TRMT1L: variants seen among roughly 807,000 people sequenced by gnomAD.
The protein encoded by TRMT1L is tRNA methyltransferase 1L, also known as tRNA (guanine(27)-N(2))-dimethyltransferase.
A neutral mutation model predicts 81.6 loss-of-function variants in TRMT1L; 28 were observed. The observed-to-expected ratio is 0.34, with a 90% CI of 0.25 to 0.47. The LOEUF (loss-of-function observed/expected upper bound fraction) is 0.47, where lower values mean the gene tolerates loss of function less well. TRMT1L is among the 20% of genes least tolerant of loss of function. The pLI is 1.00. For missense variants in TRMT1L, 739 were observed against 877.1 expected (o/e 0.84, Z 1.99); for synonymous variants, 301 against 303.2 (o/e 0.99, Z 0.07).
Position 185,145,588 on chromosome 1 carries a change from A to AT in TRMT1L, c.526-21dup. ...GGTTATCTATCAAACAGAGTATTTAATTTAAATAAGTTGCTAAGACAATGA... is the reference window on the plus strand; with the variant it reads ...GGTTATCTATCAAACAGAGTATTTAATTTTAAATAAGTTGCTAAGACAATGA... On this transcript the variant is annotated intron_variant, in intron 4 of 14. Transcript: ENST00000367506. 1 of 1,606,222 alleles carries AT rather than the reference A, an allele frequency of 6.2e-7. No individual in the cohort carries two copies. The highest frequency in any genetic ancestry group is 8.5e-7 in the Non-Finnish European group (1 of 1,175,006).
intron 4 of TRMT1L, among the ~76,000 whole-genome samples, chr1:185,146,393 C>A (rs1467760306): frequency 6.6e-6 from 1 of 151,936 alleles, no homozygotes. Context: ...AGTTTTGATG[C>A]CTTTTACTCT....
chr1:185,149,525 A>T (rs1653284649), intron 3 of TRMT1L, among the ~76,000 whole-genome samples: 1 of 151,942 alleles, frequency 6.6e-6, no homozygotes, highest in African/African-American at 2.4e-5. Context: ...GCTGGTCTTG[A>T]ACTCATGGCC....
chr1:185,143,331 G>A, intron 7 of TRMT1L, 26 bp downstream of exon 7: 4 of 1,553,348 alleles, frequency 2.6e-6, no homozygotes, highest in Non-Finnish European at 3.5e-6. Context: ...AATAAAATGG[G>A]GTTCCAAAAA....
chr1:185,126,517 G>A (rs890673722), intron 11 of TRMT1L, among the ~76,000 whole-genome samples: 2 of 152,052 alleles, frequency 1.3e-5, no homozygotes, highest in Non-Finnish European at 2.9e-5. Context: ...GTTAGGGTTA[G>A]CAAATATATA....
chr1:185,143,795 T>C, intron 6 of TRMT1L, 111 bp downstream of exon 6: 1 of 944,134 alleles, frequency 1.1e-6, no homozygotes, highest in Middle Eastern at 3.6e-4. Context: ...ACAGATGATT[T>C]TTATTCTGCA....
Position 185,147,210 on chromosome 1 carries a change from G to A in TRMT1L, c.497C>T (p.Pro166Leu). The A allele has an allele frequency of 1.2e-6, 2 of 1,610,196 alleles. No individual in the cohort carries two copies. Among genetic ancestry groups the A allele is most frequent in the Non-Finnish European group, 1.7e-6 (2 of 1,177,546 alleles). Residue 166 changes from proline to leucine, a missense_variant, in exon 4 of 15, where the codon CCA (proline) becomes CTA (leucine). Pro to Leu is a moderately conservative substitution (Grantham distance 98). Around this residue, in one of 4 missense-constraint regions of TRMT1L, gnomAD observed 331 missense variants for 462.2 expected, o/e 0.72. Transcript: ENST00000367506. ...TTCTCCAATAATGTTTGGTTTCACT[G>A]GTCGACAAGGTAAGTGACAGATGCA... ...RMCICHLPCRPVKPNIIGEQI... is the reference protein window; with the variant it reads ...RMCICHLPCRLVKPNIIGEQI...
At chr1:185,151,105 CTTAT>C (rs1022986125) in intron 2 of TRMT1L, among the ~76,000 whole-genome samples, 2 of 152,000 alleles carry the variant, frequency 1.3e-5, no homozygotes, top group African/African-American at 4.8e-5. Context: ...ATAAAAATGT[CTTAT>C]TTAATTAGAA....
intron 1 of TRMT1L, 31 bp from the exon 2 acceptor site, chr1:185,151,966 T>A: frequency 7.2e-7 from 1 of 1,380,978 alleles, no homozygotes; most frequent in Non-Finnish European, 1.0e-6. Flanking sequence ...GATTATGCTT[T>A]AACAGTTTGT....
rs1571354774 is a variant in TRMT1L, at chr1:185,145,309, G to C, written c.655+130C>G. ...TTACAGAAAGAAACCAAAAGCTGAA[G>C]TAATGGACTAGTGAACTAAATCATT... On this transcript the variant is annotated intron_variant, in intron 5 of 14. Coordinates refer to ENST00000367506, the MANE Select transcript of TRMT1L (RefSeq NM_030934.5). 3.2e-6 allele frequency: 3 copies of C among 929,550 alleles called. No individual in the cohort carries two copies. In the East Asian group the frequency reaches 7.7e-5, roughly 24 times the overall value. The allele number at this position is 929,550 out of a possible 1,614,324, so 57.6% of individuals were successfully genotyped here.
rs1652980422 is a variant in TRMT1L at position 185,139,418 on chromosome 1, G to A, written c.1271C>T (p.Thr424Ile). 1.2e-6 allele frequency: 2 copies of A among 1,613,988 alleles called. No homozygotes were observed. Among genetic ancestry groups the A allele is most frequent in the Admixed American group, 1.7e-5 (1 of 60,006 alleles). The change falls in exon 9 of 15, where the codon ACT becomes ATT. Residue 424 changes from threonine (T) to isoleucine (I), a missense_variant. Thr to Ile is a moderately conservative substitution (Grantham distance 89). Around this residue, in one of 4 missense-constraint regions of TRMT1L, gnomAD observed 331 missense variants for 462.2 expected, o/e 0.72. Transcript: ENST00000367506. ...RRHYGCNIVR[T>I]EYYKELAARI... ...GGCTGCTAGTTCCTTGTAATATTCAGTTCGGACAATGTTACATCCGTAGTG... is the reference window on the plus strand; with the variant it reads ...GGCTGCTAGTTCCTTGTAATATTCAATTCGGACAATGTTACATCCGTAGTG...
chr1:185,127,079 GGTCA>G (rs1272023105), intron 11 of TRMT1L, among the ~76,000 whole-genome samples: 2 of 152,134 alleles, frequency 1.3e-5, no homozygotes, highest in African/African-American at 4.8e-5. Flanking sequence ...GAATTTTTTT[GGTCA>G]GTTTTAGCAA....
At chr1:185,153,413 T>C (rs1007534967) in intron 1 of TRMT1L, among the ~76,000 whole-genome samples, 4 of 151,956 alleles carry the variant, frequency 2.6e-5, no homozygotes, top group African/African-American at 9.7e-5. Context: ...AAAGAATAAA[T>C]GGTAAGGGGA....
Position 185,151,818 on chromosome 1 carries a change from G to T in TRMT1L, c.346+7C>A. ...AAGAAAAAAAAAAAACCCAAACATG[G>T]AAATACCTGCATCAAGATTATCTGA... On this transcript the variant is annotated splice_region_variant and intron_variant, in intron 2 of 14. Coordinates refer to ENST00000367506, the MANE Select transcript of TRMT1L (RefSeq NM_030934.5). 2 of 1,531,438 alleles carry T rather than the reference G, an allele frequency of 1.3e-6. No individual in the cohort carries two copies. The highest frequency in any genetic ancestry group is 1.3e-5 in the South Asian group (1 of 79,750). 94.9% of individuals were successfully genotyped at this position (1,531,438 alleles called of 1,614,324 possible). A position where few individuals can be genotyped will look rare whatever the true frequency, so the allele number is the denominator to read the frequency against.
chr1:185,143,268 T>C, intron 7 of TRMT1L, 89 bp downstream of exon 7: 1 of 1,207,050 alleles, frequency 8.3e-7, no homozygotes, highest in South Asian at 1.6e-5. Flanking sequence ...TTTAATTTTT[T>C]TACATCACTG....
At chr1:185,133,651 G>A (rs1652826974) in intron 10 of TRMT1L, among the ~76,000 whole-genome samples, 1 of 149,674 alleles carries the variant, frequency 6.7e-6, no homozygotes, top group East Asian at 2.0e-4. Context: ...AGGCTGGAGT[G>A]CAGTGGTGTA....
chr1:185,135,503 G>C (rs914530903), intron 10 of TRMT1L, among the ~76,000 whole-genome samples: 3 of 151,610 alleles, frequency 2.0e-5, no homozygotes, highest in African/African-American at 7.3e-5. Flanking sequence ...TGGAAGAAAG[G>C]ATAAATAAAT....
chr1:185,155,048 A>T (rs1030954921), intron 1 of TRMT1L, among the ~76,000 whole-genome samples: 2 of 152,270 alleles, frequency 1.3e-5, no homozygotes, highest in Non-Finnish European at 2.9e-5. Context: ...AATGTGATTA[A>T]TATATGTATT....
At chr1:185,125,747 A>G (rs1428340949) in intron 11 of TRMT1L, among the ~76,000 whole-genome samples, 1 of 152,238 alleles carries the variant, frequency 6.6e-6, no homozygotes, top group Non-Finnish European at 1.5e-5. Flanking sequence ...ACTGTGGTAC[A>G]CAGAGGGTGT....
Position 185,156,449 on chromosome 1 carries a change from GCAGA to G in TRMT1L, c.235+25_235+28del, listed in dbSNP as rs148772872. ...CAAGGCGCACTTTCTCTCTTCTGCA[GCAGA>G]AAGATCTGGGCCTTCTGCACTTACT... is the stretch of plus-strand genomic sequence containing the variant. On this transcript the variant is annotated intron_variant, in intron 1 of 14. Transcript: ENST00000367506. The G allele has an allele frequency of 8.7e-6, 14 of 1,613,766 alleles. No individual in the cohort carries two copies. In the African/African-American group the frequency reaches 1.7e-4, roughly 20 times the overall value.
Sources: gnomAD v4.1 joint callset for allele counts (sites outside exome capture counted in the v4.1 genomes callset) on GRCh38, gnomAD v4.1.1 for gene constraint, gnomAD v4.1.1 regional missense constraint, MANE v1.5 for transcripts, NCBI Gene and HGNC (gene_info 2026-07-23, HGNC 2026-07-21) for gene names.